ZDHHC11: variants seen among roughly 807,000 people sequenced by gnomAD.
ZDHHC11 encodes palmitoyltransferase ZDHHC11.
Under a neutral mutation model 51.3 loss-of-function variants are expected in ZDHHC11, and 44 were observed. The ratio of observed to expected loss-of-function variants is 0.86; its 90% CI spans 0.67 to 1.10. The LOEUF (loss-of-function observed/expected upper bound fraction) is 1.10. Among genes scored for constraint, ZDHHC11 ranks in the 50% least tolerant of loss-of-function variants. The probability of loss-of-function intolerance (pLI) is 0.00; values close to 1 mark genes in which losing one functional copy is unlikely to be tolerated. For synonymous variants in ZDHHC11, 163 were observed against 222.0 expected (o/e 0.73, Z 2.36); for missense variants, 400 against 537.7 (o/e 0.74, Z 2.53).
Position 824,243 on chromosome 5 carries a change from G to A in ZDHHC11, c.1023+921C>T, listed in dbSNP as rs147877955. On this transcript the variant is annotated intron_variant, in intron 8 of 12. Transcript: ENST00000283441. ...AGAGGCTGAGGTCAAGGAATCACTT[G>A]AGATGAGAAGTTCCAAACAAGCCTG... 2.1e-5 allele frequency: 7 copies of A among 340,658 alleles called. No homozygotes were observed. In the East Asian group the frequency reaches 5.2e-4, roughly 25 times the overall value. 21.1% of individuals were successfully genotyped at this position (340,658 alleles called of 1,614,324 possible).
intron 4 of ZDHHC11, chr5:840,958 C>G: frequency 7.4e-7 from 1 of 1,352,070 alleles, no homozygotes; most frequent in South Asian, 1.6e-5. Context: ...CCCTTGCTCA[C>G]TAAGAGCCAG....
intron 3 of ZDHHC11, among the ~76,000 whole-genome samples, chr5:844,367 T>C (rs1160889690): frequency 6.6e-6 from 1 of 152,240 alleles, no homozygotes; most frequent in Admixed American, 6.5e-5. Context: ...TTTTCACGAG[T>C]GGGGAAAGTG....
At chr5:825,084 C>A (rs1240285359) in intron 8 of ZDHHC11, 80 bp downstream of exon 8, 3 of 1,421,516 alleles carry the variant, frequency 2.1e-6, no homozygotes, top group East Asian at 4.5e-5. Context: ...ACTGCCTTAA[C>A]CTCAGCTTGG....
At chr5:842,936 C>T (rs1372829811) in intron 4 of ZDHHC11, among the ~76,000 whole-genome samples, 6 of 152,384 alleles carry the variant, frequency 3.9e-5, no homozygotes, top group Admixed American at 6.5e-5. Flanking sequence ...CAAGCACACT[C>T]GTGGCTGGAT....
intron 6 of ZDHHC11, among the ~76,000 whole-genome samples, chr5:836,034 C>CGATCCCAGCTACTTGGGAGG (rs1561272457): frequency 1.5e-4 from 22 of 150,504 alleles, no homozygotes; most frequent in African/African-American, 2.7e-4. Flanking sequence ...ATTCTCTGTG[C>CGATCCCAGCTACTTGGGAGG]CTTCATTTTC....
intron 11 of ZDHHC11, among the ~76,000 whole-genome samples, chr5:803,255 C>G (rs1035160908): frequency 1.3e-5 from 2 of 151,274 alleles, no homozygotes; most frequent in Admixed American, 1.3e-4. Context: ...AGAGGCTTGC[C>G]TTGGTTTTGA....
chr5:795,697 C>G lies in ZDHHC11; in HGVS notation c.*891G>C, dbSNP rs1449108520. ...TTAAAATGCAGAGTTCATTAAAATACAGAGGATGCCTCTGGTTCTCTGGTA... is the reference window on the plus strand; with the variant it reads ...TTAAAATGCAGAGTTCATTAAAATAGAGAGGATGCCTCTGGTTCTCTGGTA... On this transcript the variant is annotated 3_prime_UTR_variant, in exon 13 of 13. Transcript: ENST00000283441. 6.5e-6 allele frequency: 1 copy of G among 154,264 alleles called. No homozygotes were observed. Among genetic ancestry groups the G allele is most frequent in the Non-Finnish European group, 1.5e-5 (1 of 67,938 alleles). 9.6% of individuals were successfully genotyped at this position (154,264 alleles called of 1,614,324 possible). A position where few individuals can be genotyped will look rare whatever the true frequency, so the allele number is the denominator to read the frequency against.
At chr5:807,908 A>T (rs1435989694) in intron 11 of ZDHHC11, among the ~76,000 whole-genome samples, 2 of 150,422 alleles carry the variant, frequency 1.3e-5, no homozygotes, top group Non-Finnish European at 1.5e-5. Context: ...TCAGCCTGGG[A>T]TGCCTCTGGG....
At chr5:849,594 G>A (rs13354533) in intron 1 of ZDHHC11, 8,500 of 152,156 alleles carry the variant, frequency 0.056, 266 homozygotes, top group African/African-American at 0.084. Context: ...GACTCCCTCA[G>A]GGCCCCTCCG....
chr5:841,703 T>C (rs1396118648), intron 4 of ZDHHC11: 4 of 992,032 alleles, frequency 4.0e-6, no homozygotes, highest in Non-Finnish European at 4.8e-6. Flanking sequence ...TTCTAAGATA[T>C]GGTCCTCTGT....
intron 1 of ZDHHC11, among the ~76,000 whole-genome samples, chr5:856,714 C>T (rs1422728682): frequency 1.3e-5 from 2 of 151,566 alleles, no homozygotes; most frequent in African/African-American, 4.8e-5. Flanking sequence ...TCTCCCCATA[C>T]CACACAGGGA....
upstream of ZDHHC11, among the ~76,000 whole-genome samples, chr5:852,469 G>C (rs1157579302): frequency 6.6e-6 from 1 of 152,272 alleles, no homozygotes; most frequent in Non-Finnish European, 1.5e-5. Flanking sequence ...CCAAATTAGA[G>C]AAAATGTGAG....
intron 1 of ZDHHC11, among the ~76,000 whole-genome samples, chr5:858,505 C>T (rs1321177674): frequency 2.0e-5 from 3 of 152,202 alleles, no homozygotes; most frequent in Non-Finnish European, 4.4e-5. Flanking sequence ...CATCCCTGTC[C>T]TTCCTTTATG....
At chr5:805,108 G>T (rs1481736989) in intron 11 of ZDHHC11, among the ~76,000 whole-genome samples, 1 of 151,466 alleles carries the variant, frequency 6.6e-6, no homozygotes, top group Non-Finnish European at 1.5e-5. Flanking sequence ...AAGGGTGAGG[G>T]ATGGAGATGG....
chr5:802,963 G>T (rs1398898783), intron 11 of ZDHHC11, among the ~76,000 whole-genome samples: 4 of 147,540 alleles, frequency 2.7e-5, no homozygotes, highest in African/African-American at 4.9e-5. Context: ...GGAGCTTGCA[G>T]TGAGCAGAGA....
chr5:810,792 A>G (rs1238061002), intron 11 of ZDHHC11, among the ~76,000 whole-genome samples: 2 of 151,942 alleles, frequency 1.3e-5, no homozygotes. Flanking sequence ...TTCACATTCA[A>G]CAAGGTTAGC....
upstream of ZDHHC11, among the ~76,000 whole-genome samples, chr5:855,409 CA>C (rs199712132): frequency 8.8e-5 from 12 of 136,624 alleles, no homozygotes; most frequent in Non-Finnish European, 9.5e-5. Context: ...GACAGCGAGC[CA>C]GGGGGCACAG....
intron 11 of ZDHHC11, among the ~76,000 whole-genome samples, chr5:804,056 G>A (rs1190705300): frequency 2.6e-5 from 4 of 150,984 alleles, no homozygotes; most frequent in African/African-American, 7.3e-5. Context: ...CAAAGTAGAA[G>A]AGAAAAGGAA....
At chr5:828,829 ATAAT>A (rs1352534035) in intron 7 of ZDHHC11, among the ~76,000 whole-genome samples, 1 of 140,982 alleles carries the variant, frequency 7.1e-6, no homozygotes, top group Non-Finnish European at 1.6e-5. Flanking sequence ...GAATAAATTG[ATAAT>A]TAACTCCAAA....
Sources: gnomAD v4.1 joint callset for allele counts (sites outside exome capture counted in the v4.1 genomes callset) on GRCh38, gnomAD v4.1.1 for gene constraint, MANE v1.5 for transcripts, NCBI Gene and HGNC (gene_info 2026-07-23, HGNC 2026-07-21) for gene names.